The following CWC27 variants were observed in gnomAD, a reference collection of about 807,000 sequenced individuals.
CWC27 encodes the protein spliceosome-associated protein CWC27 homolog.
In CWC27, 47 loss-of-function variants were observed where a neutral mutation model predicts 63.6. The ratio of observed to expected loss-of-function variants is 0.74; its 90% CI spans 0.58 to 0.94. The LOEUF (loss-of-function observed/expected upper bound fraction) is 0.94. Ranked by LOEUF, CWC27 falls within the 40% of genes least tolerant of loss-of-function variation. The pLI, the probability that CWC27 is intolerant of heterozygous loss-of-function variation, is 0.00. For missense variants in CWC27, 495 were observed against 554.3 expected (o/e 0.89, Z 1.07); for synonymous variants, 175 against 179.8 (o/e 0.97, Z 0.22).
At chr5:64,806,914 A>G (rs546262419) in intron 10 of CWC27, among the ~76,000 whole-genome samples, 2 of 152,318 alleles carry the variant, frequency 1.3e-5, no homozygotes, top group Non-Finnish European at 2.9e-5. Flanking sequence ...AGTTAACTTT[A>G]TGGTTAAAAA....
chr5:64,885,185 G>A (rs1011353616), intron 10 of CWC27, among the ~76,000 whole-genome samples: 70 of 152,162 alleles, frequency 4.6e-4, no homozygotes, highest in African/African-American at 1.7e-3. Context: ...GAATTAGGAA[G>A]ATAATGGGTC....
At chr5:64,962,418 C>G (rs534679056) in intron 11 of CWC27, among the ~76,000 whole-genome samples, 1 of 152,116 alleles carries the variant, frequency 6.6e-6, no homozygotes, top group Non-Finnish European at 1.5e-5. Flanking sequence ...ATTTTGGACC[C>G]AAATGGAGGC....
chr5:64,849,704 G>C (rs1013478104), intron 10 of CWC27, among the ~76,000 whole-genome samples: 3 of 64,112 alleles, frequency 4.7e-5, no homozygotes, highest in African/African-American at 2.3e-4. Context: ...GGGACCTGGT[G>C]GGGGGGTGAT....
At chr5:64,915,154 A>G (rs1747866044) in intron 11 of CWC27, among the ~76,000 whole-genome samples, 1 of 152,180 alleles carries the variant, frequency 6.6e-6, no homozygotes, top group Non-Finnish European at 1.5e-5. Context: ...TGTTTTCAGA[A>G]GAAAGTTTGT....
intron 12 of CWC27, chr5:64,972,653 AAG>A (rs1210740202): frequency 2.2e-6 from 1 of 452,222 alleles, no homozygotes; most frequent in Non-Finnish European, 4.4e-6. Flanking sequence ...CATTAAGAAA[AAG>A]TACATTATTA....
intron 11 of CWC27, among the ~76,000 whole-genome samples, chr5:64,933,699 GC>G (rs1353516439): frequency 6.6e-6 from 1 of 151,972 alleles, no homozygotes; most frequent in East Asian, 1.9e-4. Flanking sequence ...CACCATATTG[GC>G]CAGGCTGGTC....
At chr5:64,993,556 A>G (rs1367537996) in intron 13 of CWC27, among the ~76,000 whole-genome samples, 1 of 152,056 alleles carries the variant, frequency 6.6e-6, no homozygotes, top group Non-Finnish European at 1.5e-5. Flanking sequence ...CTTAGCTACT[A>G]TAAATTTAGC....
intron 11 of CWC27, among the ~76,000 whole-genome samples, chr5:64,907,138 T>C (rs962941902): frequency 2.6e-5 from 4 of 152,230 alleles, no homozygotes; most frequent in African/African-American, 9.7e-5. Context: ...TAGGATTGAC[T>C]TGGCGATGCG....
At chr5:65,002,158 G>A (rs1378234805) in intron 13 of CWC27, among the ~76,000 whole-genome samples, 2 of 151,922 alleles carry the variant, frequency 1.3e-5, no homozygotes, top group African/African-American at 4.8e-5. Flanking sequence ...TAATTATAAT[G>A]TCTCCTTCTT....
chr5:64,848,603 AC>A (rs1746049534), intron 10 of CWC27, among the ~76,000 whole-genome samples: 1 of 152,176 alleles, frequency 6.6e-6, no homozygotes, highest in African/African-American at 2.4e-5. Context: ...ATACTGGAAA[AC>A]CAAATTCAAT....
chr5:64,842,931 T>G (rs1745883613), intron 10 of CWC27, among the ~76,000 whole-genome samples: 1 of 152,188 alleles, frequency 6.6e-6, no homozygotes, highest in African/African-American at 2.4e-5. Context: ...TTCTCAAGAT[T>G]CTTTTGCCAA....
intron 11 of CWC27, among the ~76,000 whole-genome samples, chr5:64,908,592 G>A (rs1326490603): frequency 6.6e-6 from 1 of 152,164 alleles, no homozygotes. Context: ...ATATATTTAG[G>A]ATAGTTAGCT....
In CWC27 at chr5:64,775,986, A is replaced by C. The variant is rs185419140; in HGVS notation, c.139+1199A>C. 1.5e-3 allele frequency among the ~76,000 whole-genome samples: 233 copies of C among 151,902 alleles called. 1 individual carries two copies. Among genetic ancestry groups the C allele is most frequent in the African/African-American group, 5.5e-3 (228 of 41,460 alleles). On this transcript the variant is annotated intron_variant, in intron 2 of 13. Transcript: ENST00000381070. ...TGATGAGATCTCTCTAAATAGACGTAATTATCAGGTGAAGATTTAAGAAAT... is the reference window on the plus strand; with the variant it reads ...TGATGAGATCTCTCTAAATAGACGTCATTATCAGGTGAAGATTTAAGAAAT...
At chr5:64,837,992 T>C (rs1364314860) in intron 10 of CWC27, among the ~76,000 whole-genome samples, 1 of 152,150 alleles carries the variant, frequency 6.6e-6, no homozygotes. Flanking sequence ...TCTACATTTA[T>C]CCTGTGCAGA....
At chr5:64,892,852 T>C (rs910087169) in intron 11 of CWC27, among the ~76,000 whole-genome samples, 1 of 150,908 alleles carries the variant, frequency 6.6e-6, no homozygotes, top group African/African-American at 2.5e-5. Flanking sequence ...TTATCTCTCG[T>C]TCTTTAAAAA....
At chr5:64,911,304 A>G (rs1747781212) in intron 11 of CWC27, among the ~76,000 whole-genome samples, 1 of 152,166 alleles carries the variant, frequency 6.6e-6, no homozygotes, top group African/African-American at 2.4e-5. Context: ...AGAGTAAAAT[A>G]TTTTACTATT....
At chr5:64,819,177 T>G (rs1368704) in intron 10 of CWC27, among the ~76,000 whole-genome samples, 60,575 of 151,840 alleles carry the variant, frequency 0.4, 13,310 homozygotes, top group African/African-American at 0.58. Flanking sequence ...AAGTGAGAGG[T>G]TTCCTTTTGT....
chr5:64,882,533 A>C (rs1746964687), intron 10 of CWC27, among the ~76,000 whole-genome samples: 1 of 152,136 alleles, frequency 6.6e-6, no homozygotes, highest in African/African-American at 2.4e-5. Flanking sequence ...TTTTATGTTA[A>C]ATTGGTAATA....
chr5:64,895,528 C>T (rs145430841), intron 11 of CWC27, among the ~76,000 whole-genome samples: 1,921 of 152,270 alleles, frequency 0.013, 40 homozygotes, highest in African/African-American at 0.037. Flanking sequence ...ATCCTACTTT[C>T]ATCCCAGTCC....
Sources: allele counts gnomAD v4.1 joint callset (sites outside exome capture counted in the v4.1 genomes callset), GRCh38; gene constraint gnomAD v4.1.1; transcripts MANE v1.5; gene names NCBI Gene and HGNC (gene_info 2026-07-23, HGNC 2026-07-21).